Variants in MAFG observed in about 807,000 individuals in gnomAD.
The protein encoded by MAFG is transcription factor MafG.
MAFG carries 3 observed loss-of-function variants against 12.2 expected under a neutral mutation model. The ratio of observed to expected loss-of-function variants is 0.25; its 90% CI spans 0.11 to 0.64. MAFG has a LOEUF of 0.64. Ranked by LOEUF, MAFG falls within the 30% of genes least tolerant of loss-of-function variation. The pLI is 0.85. For synonymous variants in MAFG, 126 were observed against 109.1 expected (o/e 1.15, Z -0.96); for missense variants, 153 against 235.5 (o/e 0.65, Z 2.29).
At position 81,918,803 on chromosome 17, in the gene MAFG, C is replaced by T. The variant is rs943975421; in HGVS notation, c.*3802G>A. On this transcript the variant is annotated 3_prime_UTR_variant, in exon 3 of 3. Coordinates refer to ENST00000357736, the MANE Select transcript of MAFG (RefSeq NM_002359.4). ...TGGGAAGAAGGGCAGGGCTGGGACA[C>T]AAGGTTGCTGGAGGGGCCAAAGCCC... is the stretch of plus-strand genomic sequence containing the variant. 3.9e-5 allele frequency: 6 copies of T among 152,368 alleles called. No individual in the cohort carries two copies. The highest frequency in any genetic ancestry group is 1.4e-4 in the African/African-American group (6 of 41,436). 9.4% of individuals were successfully genotyped at this position (152,368 alleles called of 1,614,324 possible).
At position 81,922,536 on chromosome 17, in the gene MAFG, G is replaced by A; in HGVS notation, c.*69C>T. 2 of 1,198,792 alleles carry A rather than the reference G, an allele frequency of 1.7e-6. No individual in the cohort carries two copies. Among genetic ancestry groups the A allele is most frequent in the South Asian group, 1.9e-5 (1 of 52,512 alleles). The allele number at this position is 1,198,792 out of a possible 1,614,324, so 74.3% of individuals were successfully genotyped here. A position where few individuals can be genotyped will look rare whatever the true frequency, so the allele number is the denominator to read the frequency against. ...GGAAAGAGAAGAGAAGGAAACAGAG[G>A]GACAGGGCAGCCAAATTCGCCATGT... On this transcript the variant is annotated 3_prime_UTR_variant, in exon 3 of 3. Transcript: ENST00000357736.
Position 81,923,065 on chromosome 17 carries a change from A to G in MAFG, c.37-8T>C. 1 of 1,606,722 alleles carries G rather than the reference A, an allele frequency of 6.2e-7. No individual in the cohort carries two copies. The highest frequency in any genetic ancestry group is 1.1e-5 in the South Asian group (1 of 90,120). On this transcript the variant is annotated splice_polypyrimidine_tract_variant and splice_region_variant and intron_variant, in intron 2 of 2. Transcript: ENST00000357736. ...ACCCGGCTCCCGCTTCACCTGGGGC[A>G]CAGTGCAGGTGGTCACAGGCCAAGC...
intron 1 of MAFG, 194 bp from the exon 2 acceptor site, chr17:81,923,408 A>AC (rs1236570876): frequency 8.7e-6 from 4 of 457,634 alleles, no homozygotes; most frequent in South Asian, 7.9e-5. Context: ...CTTCCTGTCC[A>AC]CCCTGCCCCT....
chr17:81,929,138 C>A (rs147809241), upstream of MAFG, among the ~76,000 whole-genome samples: 1 of 152,368 alleles, frequency 6.6e-6, no homozygotes, highest in African/African-American at 2.4e-5. The surrounding 1 kb of genome is among the most constrained non-coding windows in gnomAD (Gnocchi z 5.7). Flanking sequence ...CTCCTCCTCA[C>A]AGGGTCGAGC....
Position 81,922,442 on chromosome 17 carries a change from C to T in MAFG, c.*163G>A, listed in dbSNP as rs1403110808. 3.7e-6 allele frequency: 2 copies of T among 537,590 alleles called. No homozygotes were observed. Among genetic ancestry groups the T allele is most frequent in the Non-Finnish European group, 6.2e-6 (2 of 320,700 alleles). The allele number at this position is 537,590 out of a possible 1,614,324, so 33.3% of individuals were successfully genotyped here. ...GACGACAATGACGAGATCAAAGGGGCTCAGCCCGGCGCCCCTGGGGTACAG... is the reference window on the plus strand; with the variant it reads ...GACGACAATGACGAGATCAAAGGGGTTCAGCCCGGCGCCCCTGGGGTACAG... On this transcript the variant is annotated 3_prime_UTR_variant, in exon 3 of 3. Coordinates refer to ENST00000357736, the MANE Select transcript of MAFG (RefSeq NM_002359.4).
At position 81,922,516 on chromosome 17, in the gene MAFG, G is replaced by A. The variant is rs1424120422; in HGVS notation, c.*89C>T. On this transcript the variant is annotated 3_prime_UTR_variant, in exon 3 of 3. Coordinates refer to ENST00000357736, the MANE Select transcript of MAFG (RefSeq NM_002359.4). ...AAGGGTGGGGAAGAGAGGGAGGAAA[G>A]AGAAGAGAAGGAAACAGAGGGACAG... 1.9e-6 allele frequency: 2 copies of A among 1,041,374 alleles called. No individual in the cohort carries two copies. Among genetic ancestry groups the A allele is most frequent in the Non-Finnish European group, 2.6e-6 (2 of 759,770 alleles). 64.5% of individuals were successfully genotyped at this position (1,041,374 alleles called of 1,614,324 possible).
At chr17:81,923,269 C>CCCCG in intron 1 of MAFG, 55 bp from the exon 2 acceptor site, 1 of 941,584 alleles carries the variant, frequency 1.1e-6, no homozygotes. Flanking sequence ...CGCACCCCCC[C>CCCCG]CCCCCCGCCC....
rs1244136773 is a variant in MAFG, at chr17:81,926,260, T to C, written c.-30+1268A>G. ...ACTTCACACAACGCTGAGACCCCAC[T>C]TCAGGTAGCGACAACTTTAGGGTGG... On this transcript the variant is annotated intron_variant, in intron 1 of 2. Coordinates refer to ENST00000357736, the MANE Select transcript of MAFG (RefSeq NM_002359.4). This position sits in a 1 kb window ranked among gnomAD's most constrained non-coding sequence, Gnocchi z 4.6. Among the ~76,000 whole-genome samples, 1 of 152,118 alleles carries C rather than the reference T, an allele frequency of 6.6e-6. No homozygotes were observed. Among genetic ancestry groups the C allele is most frequent in the Non-Finnish European group, 1.5e-5 (1 of 68,012 alleles).
Position 81,919,744 on chromosome 17 carries a change from G to C in MAFG, c.*2861C>G, listed in dbSNP as rs1359431686. The C allele has an allele frequency of 6.6e-6, 1 of 152,542 alleles. No homozygotes were observed. Among genetic ancestry groups the C allele is most frequent in the Non-Finnish European group, 1.5e-5 (1 of 68,286 alleles). The allele number at this position is 152,542 out of a possible 1,614,324, so 9.4% of individuals were successfully genotyped here. ...GGACAGCACACTCACACCTGCACAT[G>C]AACACACCATCTATGTCAGGAAATC... On this transcript the variant is annotated 3_prime_UTR_variant, in exon 3 of 3. Transcript: ENST00000357736.
In MAFG at chr17:81,923,262, A is replaced by ACCCCCCCCCCCC. The variant is rs1002296043; in HGVS notation, c.-29-60_-29-49dup. 45 of 362,742 alleles carry ACCCCCCCCCCCC rather than the reference A, an allele frequency of 1.2e-4. 10 individuals are homozygous for ACCCCCCCCCCCC. The highest frequency in any genetic ancestry group is 1.2e-3 in the African/African-American group (17 of 14,674). 22.5% of individuals were successfully genotyped at this position (362,742 alleles called of 1,614,324 possible). ...GTACCCTGGAGACCACCCTCGCCGC[A>ACCCCCCCCCCCC]CCCCCCCCCCCCCGCCCCCGGCCCA... On this transcript the variant is annotated intron_variant, in intron 1 of 2. Coordinates refer to ENST00000357736, the MANE Select transcript of MAFG (RefSeq NM_002359.4).
chr17:81,923,073 G>A lies in MAFG; in HGVS notation c.37-16C>T, dbSNP rs757369594. 3.1e-6 allele frequency: 5 copies of A among 1,607,602 alleles called. No homozygotes were observed. The highest frequency in any genetic ancestry group is 4.2e-6 in the Non-Finnish European group (5 of 1,177,512). On this transcript the variant is annotated splice_polypyrimidine_tract_variant and intron_variant, in intron 2 of 2. Transcript: ENST00000357736. ...CCCGCTTCACCTGGGGCACAGTGCA[G>A]GTGGTCACAGGCCAAGCGGGCACGC...
In MAFG at chr17:81,924,031, C is replaced by G. The variant is rs896509397; in HGVS notation, c.-29-817G>C. On this transcript the variant is annotated intron_variant, in intron 1 of 2. Transcript: ENST00000357736. This position sits in a 1 kb window ranked among gnomAD's most constrained non-coding sequence, Gnocchi z 4.7. ...CCGAGGCCCCTCTAGACCTCCCAGT[C>G]GGCCTCCTCCACTGATGGAGTAACC... is the stretch of plus-strand genomic sequence containing the variant. 7.9e-5 allele frequency: 12 copies of G among 152,298 alleles called. No homozygotes were observed. The highest frequency in any genetic ancestry group is 2.2e-4 in the African/African-American group (9 of 41,462). 9.4% of individuals were successfully genotyped at this position (152,298 alleles called of 1,614,324 possible).
intron 1 of MAFG, among the ~76,000 whole-genome samples, chr17:81,927,176 C>T (rs1028689568): frequency 6.6e-6 from 1 of 151,628 alleles, no homozygotes; most frequent in African/African-American, 2.4e-5. Flanking sequence ...CCCCCGGGCG[C>T]CTCGCTCGAC....
intron 1 of MAFG, among the ~76,000 whole-genome samples, chr17:81,925,542 C>G (rs2040932362): frequency 6.6e-6 from 1 of 152,190 alleles, no homozygotes; most frequent in South Asian, 2.1e-4. Context: ...CGCGCGGTGG[C>G]TCACACCTGT....
At position 81,922,674 on chromosome 17, in the gene MAFG, G is replaced by A. The variant is rs868128727; in HGVS notation, c.420C>T (p.Leu140=). 1.5e-5 allele frequency: 23 copies of A among 1,507,780 alleles called. No homozygotes were observed. Among genetic ancestry groups the A allele is most frequent in the Middle Eastern group, 1.8e-4 (1 of 5,604 alleles). The allele number at this position is 1,507,780 out of a possible 1,614,324, so 93.4% of individuals were successfully genotyped here. The stretch of plus-strand genomic sequence containing the variant: ...TGGTGGCGGCCACCTTGCCTGGGAC[G>A]AGGGGCCCCAGGCCGGCGGCAAGGG... ...RGPLAAGLGP[L]VPGKVAATSV... The change falls in exon 3 of 3, where the codon CTC becomes CTT. Residue 140 remains leucine (L), a synonymous_variant. Transcript: ENST00000357736.
chr17:81,919,621 G>A lies in MAFG; in HGVS notation c.*2984C>T, dbSNP rs2040867845. 6.6e-6 allele frequency: 1 copy of A among 152,272 alleles called. No individual in the cohort carries two copies. The highest frequency in any genetic ancestry group is 1.5e-5 in the Non-Finnish European group (1 of 68,062). The allele number at this position is 152,272 out of a possible 1,614,324, so 9.4% of individuals were successfully genotyped here. On this transcript the variant is annotated 3_prime_UTR_variant, in exon 3 of 3. Coordinates refer to ENST00000357736, the MANE Select transcript of MAFG (RefSeq NM_002359.4). ...TTTGAGAGACCTGGCCTTGGCCAAA[G>A]CCCTCGATTCGCTGTGTCAGAAAAA...
In MAFG at chr17:81,922,339, G is replaced by A; in HGVS notation, c.*266C>T. The A allele has an allele frequency of 3.4e-6, 1 of 297,182 alleles. No homozygotes were observed. The highest frequency in any genetic ancestry group is 6.2e-6 in the Non-Finnish European group (1 of 161,416). 18.4% of individuals were successfully genotyped at this position (297,182 alleles called of 1,614,324 possible). On this transcript the variant is annotated 3_prime_UTR_variant, in exon 3 of 3. Transcript: ENST00000357736. ...AGCACCAACTCTGGACTCCAAGCCT[G>A]CATGGCCCTGGTACAAAAGGGGTTG...
upstream of MAFG, chr17:81,929,765 CCT>C (rs773388154): frequency 6.5e-6 from 1 of 153,416 alleles, no homozygotes; most frequent in Admixed American, 6.5e-5. The surrounding 1 kb of genome is among the most constrained non-coding windows in gnomAD (Gnocchi z 5.7). Context: ...GGCCTGGCTC[CCT>C]GTTTGGACTT....
rs977114629 is a variant in MAFG, at chr17:81,920,385, A to G, written c.*2220T>C. ...CTATTGGATAAAAATCCCACCATCC[A>G]TAGGGTTAAGCCCTGTTGGGCCACA... is the stretch of plus-strand genomic sequence containing the variant. On this transcript the variant is annotated 3_prime_UTR_variant, in exon 3 of 3. Coordinates refer to ENST00000357736, the MANE Select transcript of MAFG (RefSeq NM_002359.4). 1 of 152,256 alleles carries G rather than the reference A, an allele frequency of 6.6e-6. No individual in the cohort carries two copies. The highest frequency in any genetic ancestry group is 2.4e-5 in the African/African-American group (1 of 41,464). 9.4% of individuals were successfully genotyped at this position (152,256 alleles called of 1,614,324 possible).
Sources: allele counts gnomAD v4.1 joint callset (sites outside exome capture counted in the v4.1 genomes callset), GRCh38; gene constraint gnomAD v4.1.1; non-coding constraint Gnocchi (gnomAD v3.1); transcripts MANE v1.5; gene names NCBI Gene and HGNC (gene_info 2026-07-23, HGNC 2026-07-21).